Variants in ADGRA3 observed in about 807,000 individuals in gnomAD.
ADGRA3 encodes adhesion G protein-coupled receptor A3.
A neutral mutation model predicts 119.8 loss-of-function variants in ADGRA3; 56 were observed. The ratio of observed to expected loss-of-function variants is 0.47; its 90% confidence interval spans 0.38 to 0.58. The LOEUF is 0.58. ADGRA3 is among the 20% of genes least tolerant of loss of function. The pLI is 0.00. For synonymous variants in ADGRA3, 607 were observed against 623.8 expected, an observed-to-expected ratio of 0.97 and a Z score of 0.40; for missense variants, 1,516 against 1,649.0, an observed-to-expected ratio of 0.92 and a Z score of 1.40.
intron 2 of ADGRA3, among the ~76,000 whole-genome samples, chr4:22,467,658 T>C (rs148107362): frequency 1.3e-3 from 192 of 152,308 alleles, no homozygotes; most frequent in African/African-American, 4.5e-3. Context: ...ACGTTTTCTT[T>C]AATAAAAAAT....
chr4:22,389,610 T>C (rs1456324226), intron 17 of ADGRA3, among the ~76,000 whole-genome samples: 1 of 152,064 alleles, frequency 6.6e-6, no homozygotes, highest in Non-Finnish European at 1.5e-5. Context: ...TACTGACTAA[T>C]GTTCAGCTCA....
chr4:22,513,845 C>CAAAAAAAAAAAAAAAAAAA (rs59015584), intron 1 of ADGRA3, among the ~76,000 whole-genome samples: 4 of 31,480 alleles, frequency 1.3e-4, no homozygotes, highest in Admixed American at 4.6e-4. Flanking sequence ...AGCTTTCAGG[C>CAAAAAAAAAAAAAAAAAAA]AAAAAAAAAA....
intron 5 of ADGRA3, 68 bp downstream of exon 5, chr4:22,447,372 A>G: frequency 1.0e-6 from 1 of 965,430 alleles, no homozygotes; most frequent in Non-Finnish European, 1.6e-6. Context: ...ACCACATAAT[A>G]AATGTTTTTA....
intron 4 of ADGRA3, among the ~76,000 whole-genome samples, chr4:22,450,707 A>T (rs1457998317): frequency 6.6e-6 from 1 of 152,154 alleles, no homozygotes; most frequent in East Asian, 1.9e-4. Flanking sequence ...GATTTGGTAA[A>T]GGAAGGGGAA....
chr4:22,422,933 G>A (rs947739626), intron 11 of ADGRA3, among the ~76,000 whole-genome samples: 3 of 152,252 alleles, frequency 2.0e-5, no homozygotes, highest in South Asian at 2.1e-4. Flanking sequence ...GGTGGCTCAC[G>A]CCTGTAATCC....
At position 22,436,628 on chromosome 4, in the gene ADGRA3, A is replaced by G. The variant is rs374817561; in HGVS notation, c.1099T>C (p.Leu367=). 52 of 1,613,910 alleles carry G rather than the reference A, an allele frequency of 3.2e-5. No individual in the cohort carries two copies. The highest frequency in any genetic ancestry group is 4.4e-5 in the Non-Finnish European group (52 of 1,179,946). The change falls in exon 9 of 19, where the codon TTG becomes CTG. Residue 367 remains leucine (L), a synonymous_variant. Coordinates refer to ENST00000334304, the MANE Select transcript of ADGRA3 (RefSeq NM_145290.4). ...TGCAGATATGCAGTAATGCCTGCCAATGTTCTGGGCCATCTAGAGATGAAG... is the reference window on the plus strand; with the variant it reads ...TGCAGATATGCAGTAATGCCTGCCAGTGTTCTGGGCCATCTAGAGATGAAG... ...NKGDFRWPRT[L]AGITAYLQCT...
intron 4 of ADGRA3, among the ~76,000 whole-genome samples, chr4:22,449,795 C>A (rs1716966573): frequency 1.3e-5 from 2 of 149,858 alleles, no homozygotes; most frequent in African/African-American, 2.5e-5. Flanking sequence ...GACAGTGAAC[C>A]AAGATGGTAC....
chr4:22,397,985 T>G, intron 16 of ADGRA3: 1 of 659,682 alleles, frequency 1.5e-6, no homozygotes, highest in South Asian at 6.7e-5. Context: ...AACAATAAAG[T>G]GAGACCTGCA....
chr4:22,453,678 T>C (rs1717141258), intron 4 of ADGRA3, among the ~76,000 whole-genome samples: 1 of 152,174 alleles, frequency 6.6e-6, no homozygotes, highest in Non-Finnish European at 1.5e-5. Context: ...CCCAGACTAC[T>C]TGTCTCTAAA....
chr4:22,510,228 C>T (rs979625463), intron 1 of ADGRA3, among the ~76,000 whole-genome samples: 1 of 152,084 alleles, frequency 6.6e-6, no homozygotes, highest in Non-Finnish European at 1.5e-5. Context: ...GCTCCCATCC[C>T]ACTTCTCTTT....
At chr4:22,399,289 T>G (rs1714508065) in intron 16 of ADGRA3, among the ~76,000 whole-genome samples, 3 of 152,220 alleles carry the variant, frequency 2.0e-5, no homozygotes, top group Admixed American at 2.0e-4. Flanking sequence ...TGTAAACAGA[T>G]TCCTCCAATT....
Position 22,437,215 on chromosome 4 carries a change from C to T in ADGRA3, c.1086-574G>A, listed in dbSNP as rs187480084. ...TACTATAAATATTATAGATCAATAC[C>T]TAATCTACATAAAAGACTTATCCAT... On this transcript the variant is annotated intron_variant, in intron 8 of 18. Coordinates refer to ENST00000334304, the MANE Select transcript of ADGRA3 (RefSeq NM_145290.4). Among the ~76,000 whole-genome samples the T allele has an allele frequency of 7.7e-4, 117 of 152,194 alleles. 1 individual carries two copies. Among genetic ancestry groups the T allele is most frequent in the Admixed American group, 5.9e-3 (90 of 15,294 alleles).
intron 2 of ADGRA3, among the ~76,000 whole-genome samples, chr4:22,469,470 ACTT>A (rs920382653): frequency 3.9e-5 from 6 of 152,126 alleles, no homozygotes; most frequent in African/African-American, 1.4e-4. Context: ...ACCCACACCC[ACTT>A]CTTCCCACAC....
At chr4:22,403,704 T>G (rs1448544945) in intron 14 of ADGRA3, among the ~76,000 whole-genome samples, 1 of 152,064 alleles carries the variant, frequency 6.6e-6, no homozygotes, top group Non-Finnish European at 1.5e-5. Context: ...ATAGCACCAC[T>G]GCACTCCAGC....
Position 22,413,259 on chromosome 4 carries a change from C to T in ADGRA3, c.2155G>A (p.Gly719Arg). The T allele has an allele frequency of 6.2e-7, 1 of 1,614,094 alleles. No individual in the cohort carries two copies. Among genetic ancestry groups the T allele is most frequent in the Non-Finnish European group, 8.5e-7 (1 of 1,179,960 alleles). Residue 719 changes from glycine to arginine, a missense_variant, in exon 14 of 19, where the codon GGG (glycine) becomes AGG (arginine). Gly to Arg is a moderately radical substitution (Grantham distance 125). Coordinates refer to ENST00000334304, the MANE Select transcript of ADGRA3 (RefSeq NM_145290.4). ...TCATCTGAATAGAGTATATGGCACC[C>T]ATCTGACTTCCAGCCTCCTTGTCCG... ...LNGQGGWKSDGCHILYSDENI... is the reference protein window; with the variant it reads ...LNGQGGWKSDRCHILYSDENI...
intron 3 of ADGRA3, among the ~76,000 whole-genome samples, chr4:22,458,738 C>A (rs73245202): frequency 0.017 from 2,552 of 152,272 alleles, 21 homozygotes; most frequent in Middle Eastern, 0.048. Flanking sequence ...ATAATGCTTA[C>A]CTTCCTTACC....
intron 15 of ADGRA3, 28 bp downstream of exon 15, chr4:22,402,647 A>G: frequency 6.2e-7 from 1 of 1,602,098 alleles, no homozygotes; most frequent in Non-Finnish European, 8.5e-7. Context: ...AAGTCCGCAG[A>G]TCTATTTTGT....
intron 1 of ADGRA3, among the ~76,000 whole-genome samples, chr4:22,507,757 A>G (rs1453127840): frequency 2.0e-5 from 3 of 152,224 alleles, no homozygotes; most frequent in African/African-American, 4.8e-5. Flanking sequence ...TGTGCCCCCA[A>G]TCCTGCAAGA....
Position 22,420,984 on chromosome 4 carries a change from G to C in ADGRA3, c.1711C>G (p.Leu571Val). Reference protein sequence around the residue: ...QKVAASDRTGLSDYGRRDPEG... With the variant: ...QKVAASDRTGVSDYGRRDPEG... ...GGATCCCGCCTCCCATAATCCGAAA[G>C]TCCTGTACGATCAGAGGCTGCCACT... The change falls in exon 12 of 19, where the codon CTT (leucine) becomes GTT (valine). Residue 571 changes from leucine (L) to valine (V), a missense_variant. By Grantham distance (32) the Leu-to-Val change is conservative. Coordinates refer to ENST00000334304, the MANE Select transcript of ADGRA3 (RefSeq NM_145290.4). 1 of 1,614,042 alleles carries C rather than the reference G, an allele frequency of 6.2e-7. No homozygotes were observed. The highest frequency in any genetic ancestry group is 8.5e-7 in the Non-Finnish European group (1 of 1,179,984).
Sources: allele counts gnomAD v4.1 joint callset (sites outside exome capture counted in the v4.1 genomes callset), GRCh38; gene constraint gnomAD v4.1.1; transcripts MANE v1.5; gene names NCBI Gene and HGNC (gene_info 2026-07-23, HGNC 2026-07-21).